Variants in AK9 observed in about 807,000 individuals in gnomAD.
AK9 encodes adenylate kinase domain containing 1.
In AK9, 191 loss-of-function variants were observed where a neutral mutation model predicts 239.6. The observed-to-expected ratio is 0.80, with a 90% CI of 0.71 to 0.90. The LOEUF (loss-of-function observed/expected upper bound fraction) is 0.90. Among genes scored for constraint, AK9 ranks in the 40% least tolerant of loss-of-function variants. The probability of loss-of-function intolerance (pLI) is 0.00; values close to 1 mark genes in which losing one functional copy is unlikely to be tolerated. For synonymous variants in AK9, 689 were observed against 721.0 expected (o/e 0.96, Z 0.71); for missense variants, 1,995 against 2,214.7 (o/e 0.90, Z 1.99).
Position 109,494,006 on chromosome 6 carries a change from C to T in AK9, c.5508G>A (p.Leu1836=). Residue 1836 remains leucine, a synonymous_variant, in exon 40 of 41, where the codon CTG becomes CTA. Transcript: ENST00000424296. ...FPFLSIRRSA[L]LYIALHLKAF... ...CTTTGAGATGAAGTGCTATATATAG[C>T]AGTGCAGATCTCCTTATACTTAAAA... is the stretch of plus-strand genomic sequence containing the variant. The T allele has an allele frequency of 6.2e-7, 1 of 1,612,526 alleles. No homozygotes were observed. The highest frequency in any genetic ancestry group is 1.1e-5 in the South Asian group (1 of 90,970).
At chr6:109,667,964 T>C (rs1002694771) in intron 5 of AK9, among the ~76,000 whole-genome samples, 10 of 152,360 alleles carry the variant, frequency 6.6e-5, no homozygotes, top group African/African-American at 2.2e-4. Context: ...TCTAGATCCC[T>C]GAGGAATCGC....
chr6:109,655,969 T>C (rs960794510), intron 8 of AK9, among the ~76,000 whole-genome samples: 6 of 152,220 alleles, frequency 3.9e-5, no homozygotes, highest in African/African-American at 1.4e-4. Flanking sequence ...GATCCACTCA[T>C]TTATCTTTAA....
chr6:109,581,805 A>G (rs1221657992), intron 19 of AK9, among the ~76,000 whole-genome samples: 1 of 152,192 alleles, frequency 6.6e-6, no homozygotes, highest in Non-Finnish European at 1.5e-5. Flanking sequence ...ACAGGCTTCT[A>G]TTGGAAGAAG....
At chr6:109,687,243 C>A (rs116493454) in intron 1 of AK9, among the ~76,000 whole-genome samples, 5 of 152,066 alleles carry the variant, frequency 3.3e-5, no homozygotes, top group African/African-American at 1.2e-4. Context: ...CTAGAAGGTA[C>A]AAGATCAGAA....
At chr6:109,618,746 A>G (rs958951340) in intron 13 of AK9, among the ~76,000 whole-genome samples, 1 of 152,172 alleles carries the variant, frequency 6.6e-6, no homozygotes, top group African/African-American at 2.4e-5. Flanking sequence ...CTAAAACAAC[A>G]AACTCCACAA....
At chr6:109,687,559 G>A (rs1773688896) in intron 1 of AK9, among the ~76,000 whole-genome samples, 1 of 152,208 alleles carries the variant, frequency 6.6e-6, no homozygotes, top group Admixed American at 6.5e-5. Context: ...GGTGGCATGT[G>A]AGTGCAGCCC....
rs755766282 is a variant in AK9, at chr6:109,656,857, C to A, written c.658G>T (p.Ala220Ser). 1.2e-6 allele frequency: 2 copies of A among 1,612,666 alleles called. No individual in the cohort carries two copies. Among genetic ancestry groups the A allele is most frequent in the Non-Finnish European group, 1.7e-6 (2 of 1,179,244 alleles). ...TGAACTAGATGATGAAGAATTTCAG[C>A]CACCATCTGCATTTCGGCAATAAAT... The part of the protein sequence containing the change: ...EAFIAEMQMV[A>S]EILHHLVQRP... Residue 220 changes from alanine (A) to serine (S), a missense_variant, in exon 8 of 41, where the codon GCT (alanine) becomes TCT (serine). Around this residue, in one of 5 missense-constraint regions of AK9, gnomAD observed 17 missense variants for 39.1 expected, o/e 0.43. Transcript: ENST00000424296.
chr6:109,669,774 T>G (rs1801808374), intron 5 of AK9, among the ~76,000 whole-genome samples: 1 of 152,160 alleles, frequency 6.6e-6, no homozygotes, highest in African/African-American at 2.4e-5. Flanking sequence ...ATTTTCAAAC[T>G]GTATTTAGCC....
intron 12 of AK9, among the ~76,000 whole-genome samples, chr6:109,620,825 T>C (rs1794721959): frequency 1.3e-5 from 2 of 151,176 alleles, no homozygotes; most frequent in African/African-American, 4.9e-5. Context: ...CATATACATA[T>C]ACACCATATA....
At chr6:109,513,166 A>G (rs1778926039) in intron 32 of AK9, among the ~76,000 whole-genome samples, 1 of 152,178 alleles carries the variant, frequency 6.6e-6, no homozygotes, top group African/African-American at 2.4e-5. Context: ...TGCCTAGTAT[A>G]GTAAATTATA....
chr6:109,561,143 G>A (rs1217868256), intron 24 of AK9, among the ~76,000 whole-genome samples: 1 of 151,906 alleles, frequency 6.6e-6, no homozygotes, highest in African/African-American at 2.4e-5. Context: ...TAGTAGAGAC[G>A]GGGTTTCACC....
At chr6:109,634,887 A>G (rs1455387077) in intron 10 of AK9, among the ~76,000 whole-genome samples, 3 of 152,210 alleles carry the variant, frequency 2.0e-5, no homozygotes, top group Non-Finnish European at 2.9e-5. Flanking sequence ...TATTCTCTAA[A>G]AGGTTAAGTA....
intron 17 of AK9, among the ~76,000 whole-genome samples, chr6:109,587,988 G>T (rs1408694934): frequency 6.6e-6 from 1 of 151,916 alleles, no homozygotes; most frequent in African/African-American, 2.4e-5. Context: ...ATTCTGACTG[G>T]AGTAAGATGC....
intron 24 of AK9, among the ~76,000 whole-genome samples, chr6:109,561,142 C>T (rs1013782391): frequency 4.0e-5 from 6 of 151,848 alleles, no homozygotes; most frequent in Admixed American, 3.3e-4. Context: ...TTAGTAGAGA[C>T]GGGGTTTCAC....
intron 20 of AK9, among the ~76,000 whole-genome samples, chr6:109,576,816 G>A (rs919325994): frequency 5.3e-5 from 8 of 151,172 alleles, no homozygotes; most frequent in African/African-American, 1.7e-4. Flanking sequence ...TGTTGGCTGT[G>A]GGTTTGTCAT....
intron 25 of AK9, among the ~76,000 whole-genome samples, chr6:109,547,304 C>T (rs1783690592): frequency 6.6e-6 from 1 of 152,178 alleles, no homozygotes; most frequent in South Asian, 2.1e-4. Context: ...AGTAATAAGG[C>T]AATATATTGT....
At chr6:109,496,510 T>A (rs908199145) in intron 38 of AK9, among the ~76,000 whole-genome samples, 1 of 152,120 alleles carries the variant, frequency 6.6e-6, no homozygotes, top group Non-Finnish European at 1.5e-5. Context: ...ACCCTAAATC[T>A]CAAACGCTTT....
rs1469140522 is a variant in AK9 at position 109,633,294 on chromosome 6, A to G, written c.963T>C (p.Tyr321=). 1.2e-6 allele frequency: 2 copies of G among 1,606,798 alleles called. No homozygotes were observed. Among genetic ancestry groups the G allele is most frequent in the Non-Finnish European group, 1.7e-6 (2 of 1,178,782 alleles). Residue 321 remains tyrosine (Y), a synonymous_variant, in exon 11 of 41, where the codon TAT becomes TAC. Coordinates refer to ENST00000424296, the MANE Select transcript of AK9 (RefSeq NM_001145128.3). The part of the protein sequence containing the change: ...NDELFRTLAS[Y]KLIAPRYRWQ... ...ATCTGTATCTTGGTGCAATAAGTTTATAAGATGCAAGAGTACGAAATAGCT... is the reference window on the plus strand; with the variant it reads ...ATCTGTATCTTGGTGCAATAAGTTTGTAAGATGCAAGAGTACGAAATAGCT...
chr6:109,534,144 C>T (rs17070692), intron 27 of AK9, among the ~76,000 whole-genome samples: 3,831 of 150,542 alleles, frequency 0.025, 91 homozygotes, highest in East Asian at 0.11. Context: ...AACTTGCCCA[C>T]GTGTGATGAG....
Sources: allele counts gnomAD v4.1 joint callset (sites outside exome capture counted in the v4.1 genomes callset), GRCh38; gene constraint gnomAD v4.1.1; regional missense constraint gnomAD v4.1.1; transcripts MANE v1.5; gene names NCBI Gene and HGNC (gene_info 2026-07-23, HGNC 2026-07-21).